PCDH15: variants seen among roughly 807,000 people sequenced by gnomAD.
PCDH15 encodes the protein protocadherin related 15, also known as protocadherin-15.
A neutral mutation model predicts 178.5 loss-of-function variants in PCDH15; 129 were observed. The observed-to-expected ratio is 0.72, with a 90% confidence interval of 0.63 to 0.84. The LOEUF (loss-of-function observed/expected upper bound fraction) is 0.84, where lower values mean the gene tolerates loss of function less well. PCDH15 is among the 40% of genes least tolerant of loss of function. The probability of loss-of-function intolerance (pLI) is 0.00; values close to 1 mark genes in which losing one functional copy is unlikely to be tolerated. For synonymous variants in PCDH15, 800 were observed against 732.0 expected (o/e 1.09, Z -1.50); for missense variants, 2,230 against 2,099.9 (o/e 1.06, Z -1.21).
At chr10:55,618,641 C>T (rs59899587) in intron 2 of PCDH15, among the ~76,000 whole-genome samples, 8,914 of 151,990 alleles carry the variant, frequency 0.059, 582 homozygotes, top group East Asian at 0.32. Context: ...CCTGAATTAT[C>T]TCATTAAAGT....
At chr10:55,468,803 G>C (rs1176577067) in intron 2 of PCDH15, among the ~76,000 whole-genome samples, 2 of 152,042 alleles carry the variant, frequency 1.3e-5, no homozygotes, top group Non-Finnish European at 2.9e-5. Context: ...TCAAATTTAA[G>C]AAAAACATTC....
chr10:53,871,340 CA>C (rs1490596809), intron 26 of PCDH15, among the ~76,000 whole-genome samples: 1 of 151,442 alleles, frequency 6.6e-6, no homozygotes, highest in Admixed American at 6.6e-5. Context: ...GACGTCGTCT[CA>C]AAAAAACAAA....
intron 20 of PCDH15, among the ~76,000 whole-genome samples, chr10:54,005,042 G>T (rs1487303628): frequency 2.0e-5 from 3 of 151,596 alleles, no homozygotes; most frequent in Admixed American, 1.3e-4. Flanking sequence ...TTTGACAAAA[G>T]TGCCAGGAAT....
chr10:53,851,047 T>C (rs988123786), intron 28 of PCDH15, among the ~76,000 whole-genome samples: 4 of 152,144 alleles, frequency 2.6e-5, no homozygotes, highest in Non-Finnish European at 4.4e-5. Flanking sequence ...ATATCTATAT[T>C]TTAATAAGCC....
At chr10:54,171,070 C>G (rs1298034887) in intron 13 of PCDH15, among the ~76,000 whole-genome samples, 2 of 152,132 alleles carry the variant, frequency 1.3e-5, no homozygotes, top group Non-Finnish European at 2.9e-5. Context: ...GCCTTTCCTA[C>G]AGGGTCTGAG....
chr10:53,871,176 TAAA>T (rs35624563), intron 26 of PCDH15, among the ~76,000 whole-genome samples: 1 of 144,196 alleles, frequency 6.9e-6, no homozygotes. Context: ...TACTAAAAAT[TAAA>T]AAAAAAAAAA....
chr10:55,320,512 G>T (rs549622630), upstream of PCDH15, among the ~76,000 whole-genome samples: 4 of 152,286 alleles, frequency 2.6e-5, no homozygotes, highest in African/African-American at 9.6e-5. Flanking sequence ...TGCTGTCACT[G>T]CCTGATAAAG....
chr10:54,510,571 G>A (rs10825340), intron 3 of PCDH15, among the ~76,000 whole-genome samples: 90,134 of 151,914 alleles, frequency 0.59, 27,351 homozygotes, highest in East Asian at 0.97. Context: ...AAACTACAAT[G>A]GACTAACACA....
chr10:53,986,091 C>T (rs2091079657), intron 21 of PCDH15, among the ~76,000 whole-genome samples: 1 of 151,774 alleles, frequency 6.6e-6, no homozygotes, highest in Non-Finnish European at 1.5e-5. Flanking sequence ...AAAGCAGATC[C>T]TTAGAACAAT....
chr10:54,981,813 C>T (rs1219524), intron 2 of PCDH15, among the ~76,000 whole-genome samples: 47,659 of 151,902 alleles, frequency 0.31, 8,532 homozygotes, highest in African/African-American at 0.48. Flanking sequence ...TCTCATTCTG[C>T]TGCCCAGGTT....
At chr10:55,276,393 A>G (rs1024706902) in intron 1 of PCDH15, among the ~76,000 whole-genome samples, 6 of 151,196 alleles carry the variant, frequency 4.0e-5, no homozygotes, top group African/African-American at 1.5e-4. Flanking sequence ...TGGAATTTTC[A>G]TAGTATTTCT....
rs771743967 is a variant in PCDH15, at chr10:53,840,442, C to T, written c.3861G>A (p.Glu1287=). The change falls in exon 29 of 38, where the codon GAG becomes GAA. Residue 1287 remains glutamate (E), a synonymous_variant. Coordinates refer to ENST00000644397, the MANE Select transcript of PCDH15 (RefSeq NM_001384140.1). Reference sequence around the variant, plus strand: ...CTCCATGCCGGCGAGCTCCAATGGACTCCACTACGACCTTGGCACCAGGAA... The same window carrying T: ...CTCCATGCCGGCGAGCTCCAATGGATTCCACTACGACCTTGGCACCAGGAA... ...EQIPGAKVVV[E]SIGARRHGDA... is the part of the protein sequence containing the mutation. 1 of 1,613,960 alleles carries T rather than the reference C, an allele frequency of 6.2e-7. No individual in the cohort carries two copies.
chr10:53,913,460 G>A (rs142697132), intron 25 of PCDH15, among the ~76,000 whole-genome samples: 1,754 of 151,976 alleles, frequency 0.012, 26 homozygotes, highest in African/African-American at 0.037. Flanking sequence ...CTAGCCGGGC[G>A]CGGTGGCTCA....
Position 54,020,187 on chromosome 10 carries a change from C to T in PCDH15, c.2751+5G>A. On this transcript the variant is annotated splice_donor_5th_base_variant and intron_variant, in intron 20 of 37. Transcript: ENST00000644397. ...AGGCAACCAGAAGTCATCTCTAGCC[C>T]TTACCTTTACAATCACTGTGACAGT... 2 of 1,613,006 alleles carry T rather than the reference C, an allele frequency of 1.2e-6. No homozygotes were observed. The highest frequency in any genetic ancestry group is 1.7e-6 in the Non-Finnish European group (2 of 1,179,274).
intron 25 of PCDH15, among the ~76,000 whole-genome samples, chr10:53,934,363 C>T (rs1327468382): frequency 6.6e-6 from 1 of 152,004 alleles, no homozygotes; most frequent in African/African-American, 2.4e-5. Flanking sequence ...CTATAAGTTA[C>T]CTAGAGAAAC....
Position 55,535,330 on chromosome 10 carries a change from A to T in PCDH15, c.-156+92295T>A, listed in dbSNP as rs963214159. On this transcript the variant is annotated intron_variant, in intron 2 of 5. Transcript: ENST00000613346. ...AGGAACTGTAAATTTATAGAAATTTAAAAAATGTGAGAATAAGATCACTAG... is the reference window on the plus strand; with the variant it reads ...AGGAACTGTAAATTTATAGAAATTTTAAAAATGTGAGAATAAGATCACTAG... 1.1e-4 allele frequency among the ~76,000 whole-genome samples: 16 copies of T among 152,238 alleles called. No individual in the cohort carries two copies. In the East Asian group the frequency reaches 3.1e-3, roughly 29 times the overall value.
chr10:55,360,572 G>A (rs1466856098), intron 2 of PCDH15, among the ~76,000 whole-genome samples: 3 of 151,912 alleles, frequency 2.0e-5, no homozygotes, highest in Non-Finnish European at 2.9e-5. Flanking sequence ...ATTCATAAAA[G>A]AGAATACCCA....
At chr10:54,127,152 G>A (rs1381596175) in intron 15 of PCDH15, among the ~76,000 whole-genome samples, 2 of 152,106 alleles carry the variant, frequency 1.3e-5, no homozygotes, top group Non-Finnish European at 2.9e-5. Flanking sequence ...TAAGTCAAAG[G>A]AAAATTGCCA....
rs149953057 is a variant in PCDH15, at chr10:54,715,917, T to G, written c.-28-51627A>C. Among the ~76,000 whole-genome samples, 923 of 152,244 alleles carry G rather than the reference T, an allele frequency of 6.1e-3. 9 individuals are homozygous for G. Among genetic ancestry groups the G allele is most frequent in the African/African-American group, 0.017 (711 of 41,542 alleles). On this transcript the variant is annotated intron_variant, in intron 1 of 37. Transcript: ENST00000644397. The stretch of plus-strand genomic sequence containing the variant: ...TGCCCCTCCCTTCAGGTGCAGAGAT[T>G]GTGGTACATTGGTGCTCTCTCTTCT...
Sources: gnomAD v4.1 joint callset for allele counts (sites outside exome capture counted in the v4.1 genomes callset) on GRCh38, gnomAD v4.1.1 for gene constraint, MANE v1.5 for transcripts, NCBI Gene and HGNC (gene_info 2026-07-23, HGNC 2026-07-21) for gene names.